SEL1L2: variants seen among roughly 807,000 people sequenced by gnomAD.
The protein encoded by SEL1L2 is protein sel-1 homolog 2.
A neutral mutation model predicts 98.8 loss-of-function variants in SEL1L2; 89 were observed. The ratio of observed to expected loss-of-function variants is 0.90; its 90% CI spans 0.76 to 1.07. The LOEUF (loss-of-function observed/expected upper bound fraction) is 1.07. Among genes scored for constraint, SEL1L2 ranks in the 50% least tolerant of loss-of-function variants. SEL1L2 has a pLI of 0.00. For synonymous variants in SEL1L2, 262 were observed against 278.5 expected (o/e 0.94, Z 0.59); for missense variants, 788 against 812.0 (o/e 0.97, Z 0.36).
At chr20:13,967,125 C>T (rs1020383755) in intron 1 of SEL1L2, among the ~76,000 whole-genome samples, 2 of 152,066 alleles carry the variant, frequency 1.3e-5, no homozygotes, top group African/African-American at 4.8e-5. Context: ...TCGTGATCCA[C>T]CCGCCTCGGC....
At chr20:13,906,667 C>A (rs2047942476) in intron 5 of SEL1L2, among the ~76,000 whole-genome samples, 1 of 151,800 alleles carries the variant, frequency 6.6e-6, no homozygotes, top group African/African-American at 2.4e-5. Flanking sequence ...CTGTGAAATG[C>A]TTCTGTATTT....
intron 2 of SEL1L2, among the ~76,000 whole-genome samples, chr20:13,942,080 T>A (rs2049807902): frequency 6.6e-6 from 1 of 152,172 alleles, no homozygotes; most frequent in Non-Finnish European, 1.5e-5. Context: ...ATAGAAGGCA[T>A]CAGTGAGGAC....
rs539198778 is a variant in SEL1L2 at position 13,932,456 on chromosome 20, G to A, written c.115-685C>T. On this transcript the variant is annotated intron_variant, in intron 2 of 19. Transcript: ENST00000284951. ...TATTATTATTATTATTTTTTGAGAC[G>A]AGTTTCACTCTGTCACCCAGGCTGG... Among the ~76,000 whole-genome samples, 126 of 148,688 alleles carry A rather than the reference G, an allele frequency of 8.5e-4. 1 individual carries two copies. The highest frequency in any genetic ancestry group is 1.6e-3 in the Non-Finnish European group (108 of 67,110).
chr20:13,936,398 C>T (rs889997660), intron 2 of SEL1L2, among the ~76,000 whole-genome samples: 4 of 152,158 alleles, frequency 2.6e-5, no homozygotes, highest in Non-Finnish European at 5.9e-5. Flanking sequence ...AGGCATAGTT[C>T]AATGATAACC....
intron 19 of SEL1L2, 23 bp from the exon 20 acceptor site, chr20:13,849,627 C>A: frequency 6.2e-7 from 1 of 1,611,234 alleles, no homozygotes; most frequent in South Asian, 1.1e-5. Flanking sequence ...GACATTCTCT[C>A]AAAAACAATC....
rs767683975 is a variant in SEL1L2, at chr20:13,859,844, C to T, written c.1646-410G>A. Among the ~76,000 whole-genome samples, 45 of 152,132 alleles carry T rather than the reference C, an allele frequency of 3.0e-4. 1 individual carries two copies. Among genetic ancestry groups the T allele is most frequent in the East Asian group, 1.9e-4 (1 of 5,188 alleles). On this transcript the variant is annotated intron_variant, in intron 17 of 19. Transcript: ENST00000284951. The stretch of plus-strand genomic sequence containing the variant: ...TCTCCCAAGTAGCTGGGATTCCAGG[C>T]GCCCGCCACCATGCCCGGCTAACTT...
chr20:13,866,829 T>C lies in SEL1L2; in HGVS notation c.1277A>G (p.Asp426Gly). The change falls in exon 15 of 20, where the codon GAT becomes GGT. Residue 426 changes from aspartate to glycine, a missense_variant. Physicochemically the swap from Asp to Gly is moderately conservative, Grantham distance 94. Transcript: ENST00000284951. ...MYYSGSGIWK[D>G]YKLAFKYFYL... ...AAAATATTTGAAGGCAAGTTTATAA[T>C]CCTTCCATATTCCAGAGCCAGCTGA... 6.2e-7 allele frequency: 1 copy of C among 1,610,580 alleles called. No individual in the cohort carries two copies. Among genetic ancestry groups the C allele is most frequent in the Non-Finnish European group, 8.5e-7 (1 of 1,178,916 alleles).
In SEL1L2 at chr20:13,868,187, A is replaced by G. The variant is rs115324420; in HGVS notation, c.1255+1316T>C. On this transcript the variant is annotated intron_variant, in intron 14 of 19. Transcript: ENST00000284951. ...AACTTCATATTGTCTTTCCTCACTC[A>G]CCTCTCTCCCCATCCCATTCCCCCA... Among the ~76,000 whole-genome samples the G allele has an allele frequency of 2.2e-3, 328 of 149,418 alleles. 5 individuals carry two copies. The highest frequency in any genetic ancestry group is 7.7e-3 in the African/African-American group (314 of 40,542).
At chr20:13,923,331 T>C (rs751329277) in intron 3 of SEL1L2, among the ~76,000 whole-genome samples, 1 of 152,256 alleles carries the variant, frequency 6.6e-6, no homozygotes, top group Non-Finnish European at 1.5e-5. Flanking sequence ...TTAAAAATTG[T>C]CTACTTATGG....
intron 5 of SEL1L2, among the ~76,000 whole-genome samples, chr20:13,889,203 A>G (rs2047098502): frequency 6.7e-6 from 1 of 149,382 alleles, no homozygotes; most frequent in South Asian, 2.1e-4. Flanking sequence ...GGTTTCATCT[A>G]AGGCCAGGCT....
intron 1 of SEL1L2, among the ~76,000 whole-genome samples, chr20:13,972,650 TTTGA>T (rs1444409754): frequency 2.0e-5 from 3 of 152,346 alleles, no homozygotes; most frequent in African/African-American, 7.2e-5. Context: ...ATTACACTTG[TTTGA>T]TTGTCAGATT....
intron 18 of SEL1L2, among the ~76,000 whole-genome samples, chr20:13,858,401 G>T (rs1989505473): frequency 6.6e-6 from 1 of 151,968 alleles, no homozygotes; most frequent in Admixed American, 6.6e-5. Context: ...GATAGGGCTG[G>T]GTTCAAATTC....
chr20:13,961,662 A>G (rs532090731), intron 1 of SEL1L2, among the ~76,000 whole-genome samples: 1 of 152,332 alleles, frequency 6.6e-6, no homozygotes, highest in African/African-American at 2.4e-5. Context: ...CTCAGTCACA[A>G]ACATGGGCCA....
intron 12 of SEL1L2, among the ~76,000 whole-genome samples, chr20:13,873,673 T>A (rs1248410380): frequency 1.3e-5 from 2 of 152,224 alleles, no homozygotes; most frequent in Non-Finnish European, 2.9e-5. Flanking sequence ...TTACTGATTT[T>A]TAAAACACTT....
intron 3 of SEL1L2, among the ~76,000 whole-genome samples, chr20:13,928,963 G>C (rs1192528037): frequency 3.3e-5 from 5 of 152,156 alleles, no homozygotes; most frequent in African/African-American, 1.2e-4. Context: ...CAGGAATCTA[G>C]TTGTTGCCGT....
chr20:13,963,215 T>C (rs4052974), intron 1 of SEL1L2, among the ~76,000 whole-genome samples: 54,950 of 151,552 alleles, frequency 0.36, 10,721 homozygotes, highest in South Asian at 0.48. Flanking sequence ...TCACCTCCTT[T>C]TTGTCCCTGG....
intron 1 of SEL1L2, among the ~76,000 whole-genome samples, chr20:13,976,749 TGTA>T (rs1269851457): frequency 6.6e-6 from 1 of 152,194 alleles, no homozygotes; most frequent in Non-Finnish European, 1.5e-5. Context: ...AGTGCATTAG[TGTA>T]GTTAAAAGAT....
chr20:13,888,633 C>CACT, intron 5 of SEL1L2, 121 bp from the exon 6 acceptor site: 11 of 232,086 alleles, frequency 4.7e-5, no homozygotes, highest in Non-Finnish European at 6.5e-5. Flanking sequence ...TTCTTTCTTT[C>CACT]TCTTTTTTTT....
intron 1 of SEL1L2, among the ~76,000 whole-genome samples, chr20:13,990,210 T>C (rs748779299): frequency 4.6e-5 from 7 of 152,232 alleles, no homozygotes; most frequent in Non-Finnish European, 7.3e-5. Context: ...TTTATAACAA[T>C]TACTGTAGTG....
Sources: allele counts gnomAD v4.1 joint callset (sites outside exome capture counted in the v4.1 genomes callset), GRCh38; gene constraint gnomAD v4.1.1; transcripts MANE v1.5; gene names NCBI Gene and HGNC (gene_info 2026-07-23, HGNC 2026-07-21).